Variants in CMYA5 observed in about 807,000 individuals in gnomAD.
CMYA5 encodes cardiomyopathy-associated protein 5.
CMYA5 carries 246 observed loss-of-function variants against 318.9 expected under a neutral mutation model. The ratio of observed to expected loss-of-function variants is 0.77; its 90% CI spans 0.70 to 0.86. The LOEUF is 0.86. Among genes scored for constraint, CMYA5 ranks in the 40% least tolerant of loss-of-function variants. The probability of loss-of-function intolerance (pLI) is 0.00; values close to 1 mark genes in which losing one functional copy is unlikely to be tolerated. For synonymous variants in CMYA5, 1,641 were observed against 1,729.5 expected (o/e 0.95, Z 1.27); for missense variants, 4,589 against 4,678.2 (o/e 0.98, Z 0.56).
Position 79,735,974 on chromosome 5 carries a change from A to T in CMYA5, c.7209A>T (p.Glu2403Asp). 6.2e-7 allele frequency: 1 copy of T among 1,613,286 alleles called. No homozygotes were observed. The highest frequency in any genetic ancestry group is 1.1e-5 in the South Asian group (1 of 90,804). ...TTGCAAGTAAAAATATCACAAAGGA[A>T]TCAGAGAAACCAGAGTCAATTATTT... ...SNFASKNITKESEKPESIILP... is the reference protein window; with the variant it reads ...SNFASKNITKDSEKPESIILP... Residue 2403 changes from glutamate to aspartate, a missense_variant, in exon 2 of 13, where the codon GAA (glutamate) becomes GAT (aspartate). Around this residue, in one of 3 missense-constraint regions of CMYA5, gnomAD observed 2,431 missense variants for 2,495.1 expected, o/e 0.97. Transcript: ENST00000446378.
chr5:79,738,000 G>T lies in CMYA5; in HGVS notation c.9235G>T (p.Glu3079Ter). 1 of 1,613,514 alleles carries T rather than the reference G, an allele frequency of 6.2e-7. No homozygotes were observed. The highest frequency in any genetic ancestry group is 8.5e-7 in the Non-Finnish European group (1 of 1,179,682). Reference protein sequence around the residue: ...KQKAPQKLNVEEKLSKEVTEE... With the variant: ...KQKAPQKLNV ...GAAAGCTCCACAGAAATTAAATGTT[G>T]AAGAGAAACTCTCAAAGGAAGTTAC... is the stretch of plus-strand genomic sequence containing the variant. Residue 3079 changes from glutamate to a stop codon, truncating the protein, a stop_gained, in exon 2 of 13, where the codon GAA becomes TAA. Coordinates refer to ENST00000446378, the MANE Select transcript of CMYA5 (RefSeq NM_153610.5). LOFTEE classifies it high-confidence loss of function.
chr5:79,778,283 T>C (rs924532679), intron 9 of CMYA5, among the ~76,000 whole-genome samples: 14 of 152,220 alleles, frequency 9.2e-5, no homozygotes, highest in African/African-American at 2.9e-4. Flanking sequence ...TTATTAGAAG[T>C]GGAATAACTG....
rs1828072237 is a variant in CMYA5, at chr5:79,736,525, C to A, written c.7760C>A (p.Ser2587Ter). The change falls in exon 2 of 13, where the codon TCA (serine) becomes TAA (stop). Residue 2587 changes from serine to a stop codon, truncating the protein, a stop_gained. Coordinates refer to ENST00000446378, the MANE Select transcript of CMYA5 (RefSeq NM_153610.5). LOFTEE classifies it high-confidence loss of function. ...TCTTTGGGTGAAACTCAATCATTTT[C>A]ATTAGTTAAAGCTACATCAGTTACT... ...GHSLGETQSF[S>*]LVKATSVTEK... The A allele has an allele frequency of 1.9e-6, 3 of 1,613,258 alleles. No individual in the cohort carries two copies. The highest frequency in any genetic ancestry group is 2.5e-6 in the Non-Finnish European group (3 of 1,179,656).
chr5:79,751,831 G>A (rs1484517850), intron 5 of CMYA5, among the ~76,000 whole-genome samples: 1 of 152,210 alleles, frequency 6.6e-6, no homozygotes, highest in Non-Finnish European at 1.5e-5. Context: ...AGGCAAGGCT[G>A]TATTAGTAGC....
At chr5:79,795,344 A>AT (rs1167838426) in intron 12 of CMYA5, among the ~76,000 whole-genome samples, 1 of 152,118 alleles carries the variant, frequency 6.6e-6, no homozygotes, top group Non-Finnish European at 1.5e-5. Flanking sequence ...TGGTTTAATG[A>AT]TTTTAAATCA....
intron 1 of CMYA5, among the ~76,000 whole-genome samples, chr5:79,709,541 T>C (rs1439286049): frequency 6.6e-6 from 1 of 152,092 alleles, no homozygotes. Context: ...ATTTGCATTT[T>C]CCACTTTCAT....
At chr5:79,716,371 C>T (rs1827517337) in intron 1 of CMYA5, among the ~76,000 whole-genome samples, 1 of 152,100 alleles carries the variant, frequency 6.6e-6, no homozygotes, top group Non-Finnish European at 1.5e-5. Flanking sequence ...ATTTATATAC[C>T]CAGTCACAGG....
At chr5:79,769,923 C>G (rs1828822966) in intron 9 of CMYA5, among the ~76,000 whole-genome samples, 1 of 152,192 alleles carries the variant, frequency 6.6e-6, no homozygotes, top group Non-Finnish European at 1.5e-5. Context: ...CCCCCAAGTG[C>G]TCTGTTCCAG....
intron 1 of CMYA5, among the ~76,000 whole-genome samples, chr5:79,716,665 C>G (rs960414279): frequency 6.6e-6 from 1 of 152,182 alleles, no homozygotes; most frequent in Non-Finnish European, 1.5e-5. Flanking sequence ...CTCCTACACT[C>G]TTGTATAGAT....
At position 79,777,575 on chromosome 5, in the gene CMYA5, C is replaced by G. The variant is rs1828961149; in HGVS notation, c.11556-11396C>G. 2.6e-5 allele frequency among the ~76,000 whole-genome samples: 4 copies of G among 151,404 alleles called. No individual in the cohort carries two copies. In the South Asian group the frequency reaches 8.4e-4, roughly 32 times the overall value. ...TTGCCTGAGATCAGGAGTTTGAGAC[C>G]AGCCTGGCCAACGTGGTGAAACCTC... On this transcript the variant is annotated intron_variant, in intron 9 of 12. Transcript: ENST00000446378.
In CMYA5 at chr5:79,733,375, T is replaced by C. The variant is rs902280231; in HGVS notation, c.4610T>C (p.Ile1537Thr). 2 of 1,613,406 alleles carry C rather than the reference T, an allele frequency of 1.2e-6. No individual in the cohort carries two copies. The highest frequency in any genetic ancestry group is 4.5e-5 in the East Asian group (2 of 44,874). ...HELPLSLWGE[I>T]KKKETELPSS... The stretch of plus-strand genomic sequence containing the variant: ...CTTCCACTCAGCCTATGGGGTGAGA[T>C]AAAGAAGAAAGAAACTGAACTTCCT... The change falls in exon 2 of 13, where the codon ATA becomes ACA. Residue 1537 changes from isoleucine to threonine, a missense_variant. Ile to Thr is a moderately conservative substitution (Grantham distance 89, BLOSUM62 -1). Coordinates refer to ENST00000446378, the MANE Select transcript of CMYA5 (RefSeq NM_153610.5).
chr5:79,723,048 C>T (rs576733200), intron 1 of CMYA5, among the ~76,000 whole-genome samples: 3 of 152,302 alleles, frequency 2.0e-5, no homozygotes, highest in South Asian at 4.1e-4. Flanking sequence ...ATATTTTACA[C>T]ACTCTTCCAG....
At chr5:79,745,479 C>A (rs768598200) in intron 4 of CMYA5, 24 bp downstream of exon 4, 2 of 1,531,992 alleles carry the variant, frequency 1.3e-6, no homozygotes, top group Non-Finnish European at 1.8e-6. Flanking sequence ...AAAATGGGCT[C>A]AAACACCTTG....
At position 79,735,054 on chromosome 5, in the gene CMYA5, C is replaced by T; in HGVS notation, c.6289C>T (p.Pro2097Ser). The T allele has an allele frequency of 6.2e-7, 1 of 1,613,806 alleles. No homozygotes were observed. Among genetic ancestry groups the T allele is most frequent in the Non-Finnish European group, 8.5e-7 (1 of 1,179,808 alleles). ...KEAHRSTPPF[P>S]EEKPLEESKM... ...AGCACACAGGAGCACACCTCCTTTT[C>T]CTGAAGAGAAGCCATTGGAAGAATC... Residue 2097 changes from proline (P) to serine (S), a missense_variant, in exon 2 of 13, where the codon CCT (proline) becomes TCT (serine). By Grantham distance (74) the Pro-to-Ser change is moderately conservative (BLOSUM62 -1). Around this residue, in one of 3 missense-constraint regions of CMYA5, gnomAD observed 2,431 missense variants for 2,495.1 expected, o/e 0.97. Coordinates refer to ENST00000446378, the MANE Select transcript of CMYA5 (RefSeq NM_153610.5).
rs989540894 is a variant in CMYA5, at chr5:79,738,738, A to G, written c.9973A>G (p.Ile3325Val). ...GNVAMQKKAPITEDVRVATQK... is the reference protein window; with the variant it reads ...GNVAMQKKAPVTEDVRVATQK... ...CGTAGCGATGCAGAAGAAAGCTCCC[A>G]TCACAGAGGACGTCAGAGTGGCTAC... is the stretch of plus-strand genomic sequence containing the variant. The change falls in exon 2 of 13, where the codon ATC becomes GTC. Residue 3325 changes from isoleucine to valine, a missense_variant. Physicochemically the swap from Ile to Val is conservative, Grantham distance 29. This residue lies in a region of CMYA5 where 2,431 missense variants were observed against 2,495.1 expected (regional missense o/e 0.97). Coordinates refer to ENST00000446378, the MANE Select transcript of CMYA5 (RefSeq NM_153610.5). 2 of 1,613,976 alleles carry G rather than the reference A, an allele frequency of 1.2e-6. No homozygotes were observed. The highest frequency in any genetic ancestry group is 1.7e-5 in the Admixed American group (1 of 60,004).
Position 79,729,572 on chromosome 5 carries a change from A to G in CMYA5, c.807A>G (p.Leu269=). The change falls in exon 2 of 13, where the codon CTA becomes CTG. Residue 269 remains leucine (L), a synonymous_variant. Transcript: ENST00000446378. ...YRKGKDASIS[L]EPDLDNSGSN... is the part of the protein sequence containing the mutation. The stretch of plus-strand genomic sequence containing the variant: ...AAGGGAAAGATGCATCCATTAGTCT[A>G]GAGCCAGATTTGGACAATAGTGGTT... 1 of 1,613,608 alleles carries G rather than the reference A, an allele frequency of 6.2e-7. No homozygotes were observed. The highest frequency in any genetic ancestry group is 1.7e-5 in the Admixed American group (1 of 60,024).
rs534002692 is a variant in CMYA5, at chr5:79,785,647, T to G, written c.11556-3324T>G. On this transcript the variant is annotated intron_variant, in intron 9 of 12. Coordinates refer to ENST00000446378, the MANE Select transcript of CMYA5 (RefSeq NM_153610.5). ...ATCTAGCCATCTTACTGAATTCTCT[T>G]ATTATGTAAGAGTTTTTCAACTGAT... 5.3e-5 allele frequency among the ~76,000 whole-genome samples: 8 copies of G among 152,246 alleles called. No individual in the cohort carries two copies. In the East Asian group the frequency reaches 1.4e-3, roughly 26 times the overall value.
rs769695421 is a variant in CMYA5, at chr5:79,733,057, C to T, written c.4292C>T (p.Ser1431Phe). ...IKGASPIETS[S>F]KHLAWSEAEK... is the part of the protein sequence containing the mutation. Reference sequence around the variant, plus strand: ...GGTGCTTCTCCCATTGAAACTTCATCCAAACATTTAGCTTGGTCAGAAGCA... The same window carrying T: ...GGTGCTTCTCCCATTGAAACTTCATTCAAACATTTAGCTTGGTCAGAAGCA... The change falls in exon 2 of 13, where the codon TCC becomes TTC. Residue 1431 changes from serine (S) to phenylalanine (F), a missense_variant. Ser to Phe is a radical substitution (Grantham distance 155). Transcript: ENST00000446378. 4.3e-6 allele frequency: 7 copies of T among 1,613,300 alleles called. No individual in the cohort carries two copies. In the South Asian group the frequency reaches 7.7e-5, roughly 18 times the overall value.
chr5:79,735,605 C>A lies in CMYA5; in HGVS notation c.6840C>A (p.Phe2280Leu), dbSNP rs867520304. ...SNVEDLQQPK[F>L]ISEVSREDYG... is the part of the protein sequence containing the mutation. ...TAGAAGATTTACAACAGCCAAAATT[C>A]ATTTCTGAGGTGTCTAGGGAAGATT... The change falls in exon 2 of 13, where the codon TTC becomes TTA. Residue 2280 changes from phenylalanine (F) to leucine (L), a missense_variant. Physicochemically the swap from Phe to Leu is conservative, Grantham distance 22 (BLOSUM62 0). Coordinates refer to ENST00000446378, the MANE Select transcript of CMYA5 (RefSeq NM_153610.5). 3 of 1,613,426 alleles carry A rather than the reference C, an allele frequency of 1.9e-6. No homozygotes were observed. The highest frequency in any genetic ancestry group is 2.5e-6 in the Non-Finnish European group (3 of 1,179,702).
Sources: gnomAD v4.1 joint callset for allele counts (sites outside exome capture counted in the v4.1 genomes callset) on GRCh38, gnomAD v4.1.1 for gene constraint, gnomAD v4.1.1 regional missense constraint, MANE v1.5 for transcripts, NCBI Gene and HGNC (gene_info 2026-07-23, HGNC 2026-07-21) for gene names.